Variants in MSL2 observed in about 807,000 individuals in gnomAD.
The protein encoded by MSL2 is E3 ubiquitin-protein ligase MSL2.
MSL2 carries 2 observed loss-of-function variants against 35.8 expected under a neutral mutation model. That is an observed-to-expected ratio of 0.06 (90% confidence interval 0.02 to 0.18). MSL2 has a LOEUF of 0.18. Among genes scored for constraint, MSL2 ranks in the 10% least tolerant of loss-of-function variants. The probability of loss-of-function intolerance (pLI) is 1.00; values close to 1 mark genes in which losing one functional copy is unlikely to be tolerated. For missense variants in MSL2, 523 were observed against 706.7 expected, an observed-to-expected ratio of 0.74 and a Z score of 2.95; for synonymous variants, 296 against 255.7, an observed-to-expected ratio of 1.16 and a Z score of -1.50.
At position 136,152,262 on chromosome 3, in the gene MSL2, T is replaced by C; in HGVS notation, c.619A>G (p.Ile207Val). Residue 207 changes from isoleucine to valine, a missense_variant, in exon 2 of 2, where the codon ATA becomes GTA. Transcript: ENST00000309993. ...GAATGTTCAGGTGAAGGAATATTTA[T>C]ACCAAATCTATCTATTGAAAGCCCA... ...YNGLSIDRFG[I>V]NIPSPEHSNT... is the part of the protein sequence containing the mutation. 2.5e-6 allele frequency: 4 copies of C among 1,614,104 alleles called. No individual in the cohort carries two copies. The highest frequency in any genetic ancestry group is 3.4e-6 in the Non-Finnish European group (4 of 1,179,918).
Position 136,195,317 on chromosome 3 carries a change from CCT to C in MSL2, c.-206_-205del. On this transcript the variant is annotated 5_prime_UTR_variant, in exon 1 of 2. Transcript: ENST00000309993. Reference sequence around the variant, plus strand: ...CATGGGGCCTTGGCGCCCCTCCGTCCCTGAGACTTCCAGACCAAAAATATGAG... The same window carrying C: ...CATGGGGCCTTGGCGCCCCTCCGTCCGAGACTTCCAGACCAAAAATATGAG... 1 of 1,366,866 alleles carries C rather than the reference CCT, an allele frequency of 7.3e-7. No individual in the cohort carries two copies. The highest frequency in any genetic ancestry group is 9.4e-7 in the Non-Finnish European group (1 of 1,064,398). The allele number at this position is 1,366,866 out of a possible 1,614,324, so 84.7% of individuals were successfully genotyped here. A position where few individuals can be genotyped will look rare whatever the true frequency, so the allele number is the denominator to read the frequency against.
intron 1 of MSL2, among the ~76,000 whole-genome samples, chr3:136,169,232 G>GGGC: frequency 2.3e-5 from 1 of 44,034 alleles, no homozygotes; most frequent in African/African-American, 7.6e-5. Context: ...TTGTTTTGGC[G>GGGC]GGGGGGGGGG....
intron 1 of MSL2, among the ~76,000 whole-genome samples, chr3:136,160,547 T>C (rs994268741): frequency 2.0e-5 from 3 of 150,448 alleles, no homozygotes; most frequent in Non-Finnish European, 4.4e-5. Flanking sequence ...CCATCTCCAC[T>C]AAAAATACAA....
chr3:136,164,622 T>C (rs1185142262), intron 1 of MSL2, among the ~76,000 whole-genome samples: 1 of 152,046 alleles, frequency 6.6e-6, no homozygotes, highest in Non-Finnish European at 1.5e-5. Context: ...TCTAACTATG[T>C]CTCTAAGAAA....
intron 1 of MSL2, among the ~76,000 whole-genome samples, chr3:136,193,084 TCC>T (rs1284998078): frequency 6.6e-6 from 1 of 152,120 alleles, no homozygotes; most frequent in Non-Finnish European, 1.5e-5. Flanking sequence ...TCAGAAAAAT[TCC>T]CCTTGTGTTG....
intron 1 of MSL2, among the ~76,000 whole-genome samples, chr3:136,175,882 TGTGCTAAGCCTGCCAC>T (rs1940158633): frequency 1.0e-5 from 1 of 98,906 alleles, no homozygotes; most frequent in African/African-American, 3.1e-5. Context: ...TGCCAAACAC[TGTGCTAAGCCTGCCAC>T]TGTGCTAAGC....
At chr3:136,176,340 C>A (rs954810114) in intron 1 of MSL2, among the ~76,000 whole-genome samples, 2 of 151,758 alleles carry the variant, frequency 1.3e-5, no homozygotes, top group African/African-American at 4.8e-5. Context: ...ACAGCAAAAC[C>A]CCGTCTCTAC....
Position 136,150,995 on chromosome 3 carries a change from C to G in MSL2, c.*152G>C. 1.2e-6 allele frequency: 1 copy of G among 809,600 alleles called. No homozygotes were observed. Among genetic ancestry groups the G allele is most frequent in the South Asian group, 1.8e-5 (1 of 55,794 alleles). The allele number at this position is 809,600 out of a possible 1,614,324, so 50.2% of individuals were successfully genotyped here. Reference sequence around the variant, plus strand: ...CTCCTCCATTATCTGCAAACTATTTCCCCGACACTAACACATATAACTTAG... The same window carrying G: ...CTCCTCCATTATCTGCAAACTATTTGCCCGACACTAACACATATAACTTAG... On this transcript the variant is annotated 3_prime_UTR_variant, in exon 2 of 2. Coordinates refer to ENST00000309993, the MANE Select transcript of MSL2 (RefSeq NM_018133.4).
intron 1 of MSL2, among the ~76,000 whole-genome samples, chr3:136,184,806 C>T (rs1408975575): frequency 6.8e-6 from 1 of 146,662 alleles, no homozygotes. Flanking sequence ...GGAGGACATA[C>T]TCCTACCACC....
At chr3:136,183,607 G>A (rs1472577565) in intron 1 of MSL2, among the ~76,000 whole-genome samples, 1 of 152,120 alleles carries the variant, frequency 6.6e-6, no homozygotes, top group Non-Finnish European at 1.5e-5. Context: ...ATTTGTTGTA[G>A]AGGCAGGGTT....
At chr3:136,182,814 C>T (rs1173394688) in intron 1 of MSL2, among the ~76,000 whole-genome samples, 1 of 152,086 alleles carries the variant, frequency 6.6e-6, no homozygotes, top group Admixed American at 6.6e-5. Flanking sequence ...GTATAAACTA[C>T]CAGAGAAGCC....
At chr3:136,167,630 T>C (rs1056304453) in intron 1 of MSL2, among the ~76,000 whole-genome samples, 5 of 152,192 alleles carry the variant, frequency 3.3e-5, no homozygotes, top group African/African-American at 1.2e-4. Flanking sequence ...CTCACATGAA[T>C]ATCATGAAAT....
At chr3:136,186,308 C>T (rs1307764304) in intron 1 of MSL2, among the ~76,000 whole-genome samples, 2 of 152,202 alleles carry the variant, frequency 1.3e-5, no homozygotes, top group Non-Finnish European at 2.9e-5. Flanking sequence ...ATACCAAAAT[C>T]TGCAGATACT....
At chr3:136,186,613 C>A (rs1186090350) in intron 1 of MSL2, among the ~76,000 whole-genome samples, 1 of 152,196 alleles carries the variant, frequency 6.6e-6, no homozygotes, top group Non-Finnish European at 1.5e-5. Flanking sequence ...GCAAGCAAGG[C>A]ATCTAGGCTG....
At chr3:136,189,703 G>C (rs564732538) in intron 1 of MSL2, among the ~76,000 whole-genome samples, 1 of 131,552 alleles carries the variant, frequency 7.6e-6, no homozygotes, top group African/African-American at 2.9e-5. Flanking sequence ...CAGCCTGGGC[G>C]ACAGCGAGAC....
intron 1 of MSL2, among the ~76,000 whole-genome samples, chr3:136,154,711 A>T (rs966833448): frequency 6.6e-6 from 1 of 152,234 alleles, no homozygotes; most frequent in Non-Finnish European, 1.5e-5. Flanking sequence ...TGGAGAATGC[A>T]ACTAAAGCAG....
At chr3:136,177,568 A>C (rs956877289) in intron 1 of MSL2, among the ~76,000 whole-genome samples, 1 of 151,434 alleles carries the variant, frequency 6.6e-6, no homozygotes, top group African/African-American at 2.4e-5. Flanking sequence ...AGTCCCAGCT[A>C]CTCGGGAGGC....
chr3:136,194,662 G>GAA (rs367862548), intron 1 of MSL2: 612 of 182,606 alleles, frequency 3.4e-3, no homozygotes, highest in Middle Eastern at 5.4e-3. Context: ...AAAGGTTTAA[G>GAA]AAAAAAAAAA....
Position 136,195,461 on chromosome 3 carries a change from G to C in MSL2, c.-348C>G. On this transcript the variant is annotated 5_prime_UTR_variant, in exon 1 of 2. Coordinates refer to ENST00000309993, the MANE Select transcript of MSL2 (RefSeq NM_018133.4). ...AGCCCCGCGGCTCGGCAGGCGGCCTGCACTCGAGCTCCATCTCCGGACACG... is the reference window on the plus strand; with the variant it reads ...AGCCCCGCGGCTCGGCAGGCGGCCTCCACTCGAGCTCCATCTCCGGACACG... 1 of 1,036,796 alleles carries C rather than the reference G, an allele frequency of 9.6e-7. No individual in the cohort carries two copies. The highest frequency in any genetic ancestry group is 1.2e-6 in the Non-Finnish European group (1 of 862,696). 64.2% of individuals were successfully genotyped at this position (1,036,796 alleles called of 1,614,324 possible). A position where few individuals can be genotyped will look rare whatever the true frequency, so the allele number is the denominator to read the frequency against.
Sources: allele counts gnomAD v4.1 joint callset (sites outside exome capture counted in the v4.1 genomes callset), GRCh38; gene constraint gnomAD v4.1.1; transcripts MANE v1.5; gene names NCBI Gene and HGNC (gene_info 2026-07-23, HGNC 2026-07-21).